The following PFKP variants were observed in gnomAD, a reference collection of about 807,000 sequenced individuals.
PFKP encodes the protein ATP-dependent 6-phosphofructokinase, platelet type.
A neutral mutation model predicts 94.3 loss-of-function variants in PFKP; 101 were observed. The observed-to-expected ratio is 1.07, with a 90% CI of 0.91 to 1.26. The LOEUF is 1.26. Among genes scored for constraint, PFKP ranks in the 50% most tolerant of loss-of-function variants. The probability of loss-of-function intolerance (pLI) is 0.00; values close to 1 mark genes in which losing one functional copy is unlikely to be tolerated. For synonymous variants in PFKP, 573 were observed against 432.6 expected, an observed-to-expected ratio of 1.32 and a Z score of -4.03; for missense variants, 1,145 against 1,103.3, an observed-to-expected ratio of 1.04 and a Z score of -0.53.
chr10:3,111,190 G>C (rs921919226), intron 10 of PFKP, among the ~76,000 whole-genome samples: 1 of 152,058 alleles, frequency 6.6e-6, no homozygotes, highest in African/African-American at 2.4e-5. Flanking sequence ...GTTTGTGAGA[G>C]GTAGTATGTG....
rs1321061963 is a variant in PFKP, at chr10:3,107,757, C to G, written c.870+448C>G. 4.2e-6 allele frequency: 4 copies of G among 943,664 alleles called. No individual in the cohort carries two copies. The Admixed American group carries it at 2.1e-4, about 48-fold the overall frequency. 58.5% of individuals were successfully genotyped at this position (943,664 alleles called of 1,614,324 possible). A position where few individuals can be genotyped will look rare whatever the true frequency, so the allele number is the denominator to read the frequency against. On this transcript the variant is annotated intron_variant, in intron 8 of 21. Coordinates refer to ENST00000381125, the MANE Select transcript of PFKP (RefSeq NM_002627.5). Reference sequence around the variant, plus strand: ...TCAGCTGAGCACATTCTTACAAAGCCACTGTGTCCTCGTGGCCCTGCCTGG... The same window carrying G: ...TCAGCTGAGCACATTCTTACAAAGCGACTGTGTCCTCGTGGCCCTGCCTGG...
chr10:3,073,532 G>A (rs910613499), intron 1 of PFKP, among the ~76,000 whole-genome samples: 10 of 151,990 alleles, frequency 6.6e-5, no homozygotes, highest in African/African-American at 1.9e-4. Flanking sequence ...GGCCAGTGGA[G>A]CGGTTTGCAA....
At chr10:3,132,904 G>A (rs1482977164) in intron 18 of PFKP, among the ~76,000 whole-genome samples, 3 of 122,674 alleles carry the variant, frequency 2.4e-5, no homozygotes, top group Admixed American at 7.7e-5. Context: ...TTGACGTTCT[G>A]GGTGGGACAG....
At position 3,133,301 on chromosome 10, in the gene PFKP, G is replaced by T; in HGVS notation, c.2009G>T (p.Gly670Val). The change falls in exon 19 of 22, where the codon GGT (glycine) becomes GTT (valine). Residue 670 changes from glycine (G) to valine (V), a missense_variant. By Grantham distance (109) the Gly-to-Val change is moderately radical. Transcript: ENST00000381125. ...GVFDCRKNVL[G>V]HMQQGGAPSP... ...TTTGACTGCAGGAAGAACGTGCTGG[G>T]TCACATGCAGCAGGTAGGCCCGAGA... 1.2e-6 allele frequency: 2 copies of T among 1,610,438 alleles called. No homozygotes were observed. The highest frequency in any genetic ancestry group is 1.7e-6 in the Non-Finnish European group (2 of 1,176,624).
intron 1 of PFKP, among the ~76,000 whole-genome samples, chr10:3,076,039 A>C (rs1354886155): frequency 1.4e-5 from 2 of 140,560 alleles, no homozygotes. Flanking sequence ...AAAAAAAAAA[A>C]AGTAAAAACC....
intron 13 of PFKP, among the ~76,000 whole-genome samples, chr10:3,115,978 C>G (rs953130123): frequency 1.3e-5 from 2 of 152,154 alleles, no homozygotes; most frequent in South Asian, 4.1e-4. Context: ...GATGAGGAAC[C>G]GTTCTGTCCT....
chr10:3,118,973 T>C, intron 15 of PFKP, 104 bp downstream of exon 15: 2 of 816,310 alleles, frequency 2.5e-6, no homozygotes, highest in East Asian at 2.8e-5. Context: ...TCCGAGATGA[T>C]AGGTTCCCAG....
intron 16 of PFKP, among the ~76,000 whole-genome samples, chr10:3,125,751 G>A (rs1426780824): frequency 6.6e-6 from 1 of 152,244 alleles, no homozygotes; most frequent in Non-Finnish European, 1.5e-5. Flanking sequence ...TGCCTTGGGA[G>A]GGGTGGATTC....
At chr10:3,134,407 TAG>T (rs1192200120) in intron 19 of PFKP, 74 bp from the exon 20 acceptor site, 2 of 866,514 alleles carry the variant, frequency 2.3e-6, no homozygotes, top group Non-Finnish European at 1.9e-6. Context: ...TTCTGCAAAA[TAG>T]AAATTGTCAT....
At chr10:3,104,957 C>T in intron 5 of PFKP, 158 bp from the exon 6 acceptor site, 1 of 708,512 alleles carries the variant, frequency 1.4e-6, no homozygotes, top group South Asian at 1.6e-5. Context: ...AGAAAATGGA[C>T]CATTTTTGAA....
At chr10:3,102,033 C>T (rs575076088) in intron 4 of PFKP, among the ~76,000 whole-genome samples, 207 of 150,604 alleles carry the variant, frequency 1.4e-3, no homozygotes, top group African/African-American at 4.4e-3. Context: ...GGGCGGATCA[C>T]GAGGTCAGGA....
At chr10:3,110,347 C>T (rs964916094) in intron 10 of PFKP, among the ~76,000 whole-genome samples, 7 of 150,806 alleles carry the variant, frequency 4.6e-5, no homozygotes, top group Non-Finnish European at 8.8e-5. Flanking sequence ...TACAGGTGCC[C>T]ACCACCACGC....
chr10:3,081,780 A>AGT (rs76495978), intron 1 of PFKP, among the ~76,000 whole-genome samples: 15 of 1,440 alleles, frequency 0.01, no homozygotes, highest in African/African-American at 0.013. Context: ...TTGTAAATAG[A>AGT]CATGATACAT....
chr10:3,090,541 C>G (rs1159827297), intron 2 of PFKP, among the ~76,000 whole-genome samples: 1 of 152,120 alleles, frequency 6.6e-6, no homozygotes, highest in East Asian at 1.9e-4. Flanking sequence ...TGGCTCTGCA[C>G]TGAAGAGGCT....
intron 2 of PFKP, among the ~76,000 whole-genome samples, chr10:3,090,018 C>T (rs960435290): frequency 6.6e-6 from 1 of 152,130 alleles, no homozygotes; most frequent in Non-Finnish European, 1.5e-5. Flanking sequence ...CTGTGCCTGG[C>T]TTATTTCACC....
intron 2 of PFKP, among the ~76,000 whole-genome samples, chr10:3,086,993 CAG>C (rs548148790): frequency 9.1e-4 from 136 of 149,878 alleles, no homozygotes; most frequent in South Asian, 5.6e-3. Context: ...GTTTTTGAGA[CAG>C]AGTCTTGCCC....
chr10:3,103,819 C>G lies in PFKP; in HGVS notation c.495C>G (p.Leu165=). 6.2e-7 allele frequency: 1 copy of G among 1,614,074 alleles called. No homozygotes were observed. The highest frequency in any genetic ancestry group is 8.5e-7 in the Non-Finnish European group (1 of 1,180,040). Reference sequence around the variant, plus strand: ...AGGCCGTGCAGAAGTACGCCTACCTCAACGTGGTGGGCATGGTGGGCTCCA... The same window carrying G: ...AGGCCGTGCAGAAGTACGCCTACCTGAACGTGGTGGGCATGGTGGGCTCCA... ...DKEAVQKYAY[L]NVVGMVGSID... is the part of the protein sequence containing the mutation. The change falls in exon 5 of 22, where the codon CTC becomes CTG. Residue 165 remains leucine (L), a synonymous_variant. Transcript: ENST00000381125.
chr10:3,104,040 G>A (rs1195573040), intron 5 of PFKP, 96 bp downstream of exon 5: 2 of 1,127,212 alleles, frequency 1.8e-6, no homozygotes, highest in African/African-American at 1.5e-5. Context: ...TGCAGATTGG[G>A]TGTCCTGGTG....
chr10:3,068,727 G>T lies in PFKP; in HGVS notation c.112+1020G>T, dbSNP rs78224209. 1.5e-3 allele frequency: 1,454 copies of T among 983,532 alleles called. 21 individuals carry two copies. In the African/African-American group the frequency reaches 0.023, roughly 15 times the overall value. 60.9% of individuals were successfully genotyped at this position (983,532 alleles called of 1,614,324 possible). A position where few individuals can be genotyped will look rare whatever the true frequency, so the allele number is the denominator to read the frequency against. On this transcript the variant is annotated intron_variant, in intron 1 of 21. Transcript: ENST00000381125. ...CCCGGATGATGGAGTGTCCCGATCCGTGCAATCCCTGGCGGGTAGATCGGC... is the reference window on the plus strand; with the variant it reads ...CCCGGATGATGGAGTGTCCCGATCCTTGCAATCCCTGGCGGGTAGATCGGC...
Sources: allele counts gnomAD v4.1 joint callset (sites outside exome capture counted in the v4.1 genomes callset), GRCh38; gene constraint gnomAD v4.1.1; transcripts MANE v1.5; gene names NCBI Gene and HGNC (gene_info 2026-07-23, HGNC 2026-07-21).